FARS2: variants seen among roughly 807,000 people sequenced by gnomAD.
FARS2 encodes phenylalanine--tRNA ligase, mitochondrial.
A neutral mutation model predicts 46.4 loss-of-function variants in FARS2; 40 were observed. The observed-to-expected ratio is 0.86, with a 90% CI of 0.67 to 1.12. The LOEUF (loss-of-function observed/expected upper bound fraction) is 1.12. Ranked by LOEUF, FARS2 falls within the 50% of genes most tolerant of loss-of-function variation. The pLI is 0.00. For synonymous variants in FARS2, 234 were observed against 214.9 expected (o/e 1.09, Z -0.78); for missense variants, 513 against 567.9 (o/e 0.90, Z 0.98).
intron 6 of FARS2, among the ~76,000 whole-genome samples, chr6:5,647,557 G>C (rs1263341524): frequency 6.6e-6 from 1 of 152,164 alleles, no homozygotes; most frequent in Non-Finnish European, 1.5e-5. Context: ...TGATCACTTA[G>C]GATTTCTGTA....
At chr6:5,621,209 C>G (rs886978118) in intron 6 of FARS2, among the ~76,000 whole-genome samples, 3 of 151,706 alleles carry the variant, frequency 2.0e-5, no homozygotes, top group Non-Finnish European at 2.9e-5. Context: ...ACCTTAGTCT[C>G]CCAAGTAGCT....
intron 6 of FARS2, among the ~76,000 whole-genome samples, chr6:5,709,892 A>C (rs1025531798): frequency 6.6e-6 from 1 of 152,150 alleles, no homozygotes; most frequent in African/African-American, 2.4e-5. Flanking sequence ...GTGAGTGCTC[A>C]TATTAACCTG....
chr6:5,591,102 T>C (rs1773893387), intron 5 of FARS2, among the ~76,000 whole-genome samples: 1 of 152,208 alleles, frequency 6.6e-6, no homozygotes, highest in South Asian at 2.1e-4. Context: ...ATTGGACCTT[T>C]GGGGATGGAT....
In FARS2 at chr6:5,690,106, T is replaced by TG. The variant is rs1486492977; in HGVS notation, c.1217+76788dup. Among the ~76,000 whole-genome samples the TG allele has an allele frequency of 4.6e-5, 7 of 152,202 alleles. No individual in the cohort carries two copies. In the South Asian group the frequency reaches 1.2e-3, roughly 27 times the overall value. ...CCTATGTGTGTCTCTGCACGTGAGA[T>TG]GGTTTCCTGAATACAGCACACTGAT... On this transcript the variant is annotated intron_variant, in intron 6 of 6. Transcript: ENST00000274680.
chr6:5,530,406 A>G (rs1477746930), intron 4 of FARS2, among the ~76,000 whole-genome samples: 3 of 152,146 alleles, frequency 2.0e-5, no homozygotes, highest in African/African-American at 7.2e-5. Flanking sequence ...CCTCAACTGG[A>G]TCCTTAATGG....
At chr6:5,476,506 C>T (rs965119251) in intron 4 of FARS2, among the ~76,000 whole-genome samples, 6 of 151,504 alleles carry the variant, frequency 4.0e-5, no homozygotes, top group African/African-American at 1.5e-4. Flanking sequence ...TGAAGAGTAT[C>T]GGTAGGTGAC....
At chr6:5,652,890 G>C (rs571170264) in intron 6 of FARS2, among the ~76,000 whole-genome samples, 1 of 152,226 alleles carries the variant, frequency 6.6e-6, no homozygotes, top group Non-Finnish European at 1.5e-5. Context: ...GGCAGTGATC[G>C]TGTCCAGGAT....
chr6:5,472,666 C>T (rs1224889660), intron 4 of FARS2, among the ~76,000 whole-genome samples: 1 of 152,076 alleles, frequency 6.6e-6, no homozygotes, highest in African/African-American at 2.4e-5. Context: ...AATCAGGTCT[C>T]TCCATTTAAT....
chr6:5,444,493 AGAG>A (rs147696197), intron 4 of FARS2, among the ~76,000 whole-genome samples: 2 of 24,708 alleles, frequency 8.1e-5, no homozygotes, highest in African/African-American at 2.5e-4. Context: ...AAAAAAAAAA[AGAG>A]AGAGAGAGAG....
the FARS2 span, among the ~76,000 whole-genome samples, chr6:5,252,997 C>T: frequency 1.3e-5 from 2 of 152,318 alleles, no homozygotes; most frequent in African/African-American, 4.8e-5. Context: ...TTTAAGGTGG[C>T]ACTTAGGAGA....
chr6:5,289,993 G>C (rs1461084042), intron 1 of FARS2, among the ~76,000 whole-genome samples: 2 of 152,068 alleles, frequency 1.3e-5, no homozygotes, highest in Admixed American at 1.3e-4. Flanking sequence ...TGTGTTCATG[G>C]TTCTTTTCAA....
chr6:5,348,519 GAC>G (rs1450607350), intron 1 of FARS2, among the ~76,000 whole-genome samples: 2 of 147,022 alleles, frequency 1.4e-5, no homozygotes, highest in East Asian at 4.0e-4. Flanking sequence ...ATTTTTTTGA[GAC>G]AGAGTTTCAA....
At chr6:5,464,397 G>A (rs1053127034) in intron 4 of FARS2, among the ~76,000 whole-genome samples, 1 of 152,196 alleles carries the variant, frequency 6.6e-6, no homozygotes, top group Admixed American at 6.5e-5. Context: ...ATTCTGGGTG[G>A]AGTCATTGGG....
At chr6:5,486,341 T>C (rs990857987) in intron 4 of FARS2, among the ~76,000 whole-genome samples, 1 of 152,226 alleles carries the variant, frequency 6.6e-6, no homozygotes, top group South Asian at 2.1e-4. Context: ...GGGAAGTGTT[T>C]CCCTGAGCCC....
intron 4 of FARS2, among the ~76,000 whole-genome samples, chr6:5,466,298 A>G (rs1765510694): frequency 1.3e-5 from 2 of 152,228 alleles, no homozygotes; most frequent in African/African-American, 4.8e-5. Context: ...CCCCAACTCC[A>G]GGCCAACATG....
chr6:5,587,374 G>A (rs1450843253), intron 5 of FARS2, among the ~76,000 whole-genome samples: 1 of 152,188 alleles, frequency 6.6e-6, no homozygotes, highest in Non-Finnish European at 1.5e-5. Flanking sequence ...TTAGGTTAGT[G>A]AGGAAAAGGT....
At chr6:5,494,179 A>G (rs1250821833) in intron 4 of FARS2, among the ~76,000 whole-genome samples, 1 of 145,132 alleles carries the variant, frequency 6.9e-6, no homozygotes, top group East Asian at 2.0e-4. Flanking sequence ...TTTAAAATGT[A>G]GGGTATATAC....
Position 5,431,034 on chromosome 6 carries a change from T to G in FARS2, c.773-7T>G. ...ACTACTTATTTGTTTCTTTGGCAAC[T>G]TTGCAGAGCTGGAGATAAGATGGGT... On this transcript the variant is annotated splice_region_variant and splice_polypyrimidine_tract_variant and intron_variant, in intron 3 of 6. Transcript: ENST00000274680. 1 of 1,612,802 alleles carries G rather than the reference T, an allele frequency of 6.2e-7. No individual in the cohort carries two copies. Among genetic ancestry groups the G allele is most frequent in the Non-Finnish European group, 8.5e-7 (1 of 1,179,198 alleles).
At position 5,342,309 on chromosome 6, in the gene FARS2, A is replaced by G. The variant is rs1168037539; in HGVS notation, c.-21-26241A>G. ...AATCAACAGTTGCACTTTGCTAAGC[A>G]GTGTTTATTTGCACAACTATTTGAA... On this transcript the variant is annotated intron_variant, in intron 1 of 6. Transcript: ENST00000274680. Among the ~76,000 whole-genome samples, 4 of 152,336 alleles carry G rather than the reference A, an allele frequency of 2.6e-5. No individual in the cohort carries two copies. In the East Asian group the frequency reaches 7.7e-4, roughly 29 times the overall value.
Sources: gnomAD v4.1 joint callset for allele counts (sites outside exome capture counted in the v4.1 genomes callset) on GRCh38, gnomAD v4.1.1 for gene constraint, MANE v1.5 for transcripts, NCBI Gene and HGNC (gene_info 2026-07-23, HGNC 2026-07-21) for gene names.